Variants in NTSR1 observed in about 807,000 individuals in gnomAD.
NTSR1 encodes the protein neurotensin receptor type 1.
NTSR1 carries 29 observed loss-of-function variants against 31.2 expected under a neutral mutation model. The observed-to-expected ratio is 0.93, with a 90% CI of 0.69 to 1.27. NTSR1 has a LOEUF of 1.27. Ranked by LOEUF, NTSR1 falls within the 50% of genes most tolerant of loss-of-function variation. The pLI, the probability that NTSR1 is intolerant of heterozygous loss-of-function variation, is 0.00. For synonymous variants in NTSR1, 282 were observed against 269.9 expected (o/e 1.04, Z -0.44); for missense variants, 697 against 595.4 (o/e 1.17, Z -1.78).
intron 1 of NTSR1, among the ~76,000 whole-genome samples, chr20:62,718,066 G>A (rs1035188324): frequency 7.9e-5 from 12 of 152,188 alleles, no homozygotes; most frequent in Admixed American, 4.6e-4. Context: ...CACGTGCTGG[G>A]GGTGCTGGAG....
Position 62,760,224 on chromosome 20 carries a change from A to T in NTSR1, c.1214A>T (p.Asn405Ile). The change falls in exon 4 of 4, where the codon AAC becomes ATC. Residue 405 changes from asparagine to isoleucine, a missense_variant. Asn to Ile is a moderately radical substitution (Grantham distance 149). Transcript: ENST00000370501. ...FSRKADSVSS[N>I]HTLSSNATRE... ...AGGAAGGCCGACAGCGTGTCCAGCA[A>T]CCACACCCTCTCCAGCAATGCCACC... 1 of 1,613,494 alleles carries T rather than the reference A, an allele frequency of 6.2e-7. No individual in the cohort carries two copies. Among genetic ancestry groups the T allele is most frequent in the Non-Finnish European group, 8.5e-7 (1 of 1,179,936 alleles).
At chr20:62,728,329 C>G (rs1222553024) in intron 1 of NTSR1, among the ~76,000 whole-genome samples, 1 of 152,284 alleles carries the variant, frequency 6.6e-6, no homozygotes, top group African/African-American at 2.4e-5. Flanking sequence ...CCATGAAGCC[C>G]TGTTTCCCCA....
intron 1 of NTSR1, among the ~76,000 whole-genome samples, chr20:62,752,511 C>T (rs1040473933): frequency 6.6e-6 from 1 of 152,194 alleles, no homozygotes; most frequent in African/African-American, 2.4e-5. Context: ...TGTCCCCACA[C>T]GTGGCCCTGC....
At chr20:62,726,895 C>A (rs1003724207) in intron 1 of NTSR1, among the ~76,000 whole-genome samples, 1 of 152,160 alleles carries the variant, frequency 6.6e-6, no homozygotes, top group Non-Finnish European at 1.5e-5. Flanking sequence ...TCCAATGTGG[C>A]CCCATCCACA....
intron 1 of NTSR1, among the ~76,000 whole-genome samples, chr20:62,712,536 C>G (rs4270401): frequency 0.056 from 8,499 of 152,304 alleles, 463 homozygotes; most frequent in African/African-American, 0.14. Flanking sequence ...GGGCATTTTC[C>G]TAGTGTGTAG....
At chr20:62,717,644 A>G (rs539822384) in intron 1 of NTSR1, among the ~76,000 whole-genome samples, 1 of 152,326 alleles carries the variant, frequency 6.6e-6, no homozygotes, top group South Asian at 2.1e-4. Context: ...CCCCTGGACA[A>G]CGGCAGAAAT....
Position 62,733,342 on chromosome 20 carries a change from C to T in NTSR1, c.715-21343C>T, listed in dbSNP as rs1011656554. Among the ~76,000 whole-genome samples the T allele has an allele frequency of 6.6e-6, 1 of 152,178 alleles. No homozygotes were observed. Among genetic ancestry groups the T allele is most frequent in the Non-Finnish European group, 1.5e-5 (1 of 68,034 alleles). ...GGAAGAATGAAGCTCTTGGTTCCCT[C>T]CTGAAGCACTTGGTTGAAGCTTGCT... On this transcript the variant is annotated intron_variant, in intron 1 of 3. Transcript: ENST00000370501. The surrounding 1 kb of genome is among the most constrained non-coding windows in gnomAD (Gnocchi z 5.2).
intron 1 of NTSR1, among the ~76,000 whole-genome samples, chr20:62,717,182 G>A (rs1407449214): frequency 1.3e-5 from 2 of 152,238 alleles, no homozygotes; most frequent in Non-Finnish European, 2.9e-5. Flanking sequence ...GAGAGCCCTG[G>A]GTCTGGAGTG....
At chr20:62,754,096 G>A (rs1010489711) in intron 1 of NTSR1, among the ~76,000 whole-genome samples, 1 of 152,214 alleles carries the variant, frequency 6.6e-6, no homozygotes, top group Non-Finnish European at 1.5e-5. Flanking sequence ...GTGGAAGCTA[G>A]AGGTGGGGAG....
At position 62,758,010 on chromosome 20, in the gene NTSR1, G is replaced by A. The variant is rs1001897728; in HGVS notation, c.917-256G>A. Among the ~76,000 whole-genome samples, 1 of 148,264 alleles carries A rather than the reference G, an allele frequency of 6.7e-6. No individual in the cohort carries two copies. The highest frequency in any genetic ancestry group is 2.5e-5 in the African/African-American group (1 of 39,582). On this transcript the variant is annotated intron_variant, in intron 2 of 3. Coordinates refer to ENST00000370501, the MANE Select transcript of NTSR1 (RefSeq NM_002531.3). The surrounding 1 kb of genome is among the most constrained non-coding windows in gnomAD (Gnocchi z 4.5). ...AGTGGGTCTCTGAGCCCACGTCTCT[G>A]TGCCTCAGGTGCAGTGGGTCTCTGA...
intron 1 of NTSR1, among the ~76,000 whole-genome samples, chr20:62,752,034 C>A (rs1989402053): frequency 6.6e-6 from 1 of 152,236 alleles, no homozygotes. Context: ...CTTTCAAGAG[C>A]CTTTCTGGCC....
rs912560140 is a variant in NTSR1, at chr20:62,733,347, A to C, written c.715-21338A>C. On this transcript the variant is annotated intron_variant, in intron 1 of 3. Transcript: ENST00000370501. The surrounding 1 kb of genome is among the most constrained non-coding windows in gnomAD (Gnocchi z 5.2). The stretch of plus-strand genomic sequence containing the variant: ...AATGAAGCTCTTGGTTCCCTCCTGA[A>C]GCACTTGGTTGAAGCTTGCTGCGCT... Among the ~76,000 whole-genome samples, 1 of 152,132 alleles carries C rather than the reference A, an allele frequency of 6.6e-6. No individual in the cohort carries two copies. The highest frequency in any genetic ancestry group is 2.4e-5 in the African/African-American group (1 of 41,426).
In NTSR1 at chr20:62,758,513, C is replaced by T. The variant is rs1040043807; in HGVS notation, c.1007+157C>T. ...GGCAGGGTTGTGCTGTGACTGGGGC[C>T]GGGAGAAGGCCATGGAGGGACAGGT... is the stretch of plus-strand genomic sequence containing the variant. On this transcript the variant is annotated intron_variant, in intron 3 of 3. Coordinates refer to ENST00000370501, the MANE Select transcript of NTSR1 (RefSeq NM_002531.3). This position sits in a 1 kb window ranked among gnomAD's most constrained non-coding sequence, Gnocchi z 4.5. 2.0e-5 allele frequency among the ~76,000 whole-genome samples: 3 copies of T among 152,074 alleles called. No individual in the cohort carries two copies. Among genetic ancestry groups the T allele is most frequent in the African/African-American group, 4.8e-5 (2 of 41,384 alleles).
At chr20:62,729,973 C>T (rs530500576) in intron 1 of NTSR1, among the ~76,000 whole-genome samples, 3 of 152,118 alleles carry the variant, frequency 2.0e-5, no homozygotes, top group South Asian at 4.2e-4. Flanking sequence ...TGTAGAGAAG[C>T]GTTGAGCCCA....
Position 62,709,370 on chromosome 20 carries a change from G to C in NTSR1, c.163G>C (p.Asp55His). Residue 55 changes from aspartate (D) to histidine (H), a missense_variant, in exon 1 of 4, where the codon GAC becomes CAC. By Grantham distance (81) the Asp-to-His change is moderately conservative (BLOSUM62 -1). Transcript: ENST00000370501. ...RVLAAPSSELDVNTDIYSKVL... is the reference protein window; with the variant it reads ...RVLAAPSSELHVNTDIYSKVL... ...CCTGGCGGCACCCAGCAGCGAGCTGGACGTGAACACCGACATCTACTCCAA... is the reference window on the plus strand; with the variant it reads ...CCTGGCGGCACCCAGCAGCGAGCTGCACGTGAACACCGACATCTACTCCAA... 1.2e-6 allele frequency: 2 copies of C among 1,609,672 alleles called. No individual in the cohort carries two copies. The highest frequency in any genetic ancestry group is 1.7e-6 in the Non-Finnish European group (2 of 1,177,890).
In NTSR1 at chr20:62,760,033, C is replaced by T. The variant is rs754416346; in HGVS notation, c.1023C>T (p.Phe341=). ...DEQWTPFLYD[F]YHYFYMVTNA... is the part of the protein sequence containing the mutation. ...CTCCCCGCAGGTTCCTCTATGACTT[C>T]TACCACTACTTCTACATGGTGACCA... Residue 341 remains phenylalanine (F), a synonymous_variant, in exon 4 of 4, where the codon TTC becomes TTT. Transcript: ENST00000370501. 8.1e-6 allele frequency: 13 copies of T among 1,613,968 alleles called. No homozygotes were observed. Among genetic ancestry groups the T allele is most frequent in the Non-Finnish European group, 1.1e-5 (13 of 1,179,974 alleles).
chr20:62,710,292 C>T (rs1328745573), intron 1 of NTSR1, among the ~76,000 whole-genome samples: 5 of 152,266 alleles, frequency 3.3e-5, no homozygotes, highest in African/African-American at 1.2e-4. Flanking sequence ...GATGTTCCTT[C>T]CTCTGCAGAG....
At chr20:62,710,520 G>T (rs1227727415) in intron 1 of NTSR1, among the ~76,000 whole-genome samples, 1 of 152,218 alleles carries the variant, frequency 6.6e-6, no homozygotes, top group Non-Finnish European at 1.5e-5. Context: ...ACATAGAAGG[G>T]CTCACAGGCA....
At chr20:62,759,854 C>A (rs1006483618) in intron 3 of NTSR1, among the ~76,000 whole-genome samples, 164 bp from the exon 4 acceptor site, 1 of 151,952 alleles carries the variant, frequency 6.6e-6, no homozygotes, top group Middle Eastern at 3.2e-3. Context: ...AGAAGCCAGA[C>A]CCTGGAGCTT....
Sources: allele counts gnomAD v4.1 joint callset (sites outside exome capture counted in the v4.1 genomes callset), GRCh38; gene constraint gnomAD v4.1.1; non-coding constraint Gnocchi (gnomAD v3.1); transcripts MANE v1.5; gene names NCBI Gene and HGNC (gene_info 2026-07-23, HGNC 2026-07-21).